PDE4D: variants seen among roughly 807,000 people sequenced by gnomAD.
PDE4D encodes the protein phosphodiesterase 4D.
In PDE4D, 24 loss-of-function variants were observed where a neutral mutation model predicts 87.4. The observed-to-expected ratio is 0.27, with a 90% CI of 0.20 to 0.39. PDE4D has a LOEUF of 0.39. PDE4D is among the 10% of genes least tolerant of loss of function. The probability of loss-of-function intolerance (pLI) is 1.00; values close to 1 mark genes in which losing one functional copy is unlikely to be tolerated. For synonymous variants in PDE4D, 384 were observed against 383.2 expected (o/e 1.00, Z -0.02); for missense variants, 714 against 1,041.0 (o/e 0.69, Z 4.32).
At chr5:59,754,627 A>T (rs1402973279) in intron 1 of PDE4D, among the ~76,000 whole-genome samples, 1 of 152,140 alleles carries the variant, frequency 6.6e-6, no homozygotes, top group Admixed American at 6.5e-5. Flanking sequence ...TCTAGCATGG[A>T]AAGTAATTAG....
At chr5:60,359,113 T>A (rs1759851743) in intron 1 of PDE4D, among the ~76,000 whole-genome samples, 1 of 152,162 alleles carries the variant, frequency 6.6e-6, no homozygotes, top group Non-Finnish European at 1.5e-5. Context: ...AGAATATTGT[T>A]ATATTGTTAT....
chr5:59,177,133 C>T (rs979329861), intron 5 of PDE4D, among the ~76,000 whole-genome samples: 8 of 152,028 alleles, frequency 5.3e-5, no homozygotes, highest in African/African-American at 1.4e-4. Context: ...ATTTGGAGGC[C>T]GGGCCTGTGG....
At chr5:59,454,796 C>T (rs1269521312) in intron 1 of PDE4D, among the ~76,000 whole-genome samples, 1 of 152,086 alleles carries the variant, frequency 6.6e-6, no homozygotes, top group Non-Finnish European at 1.5e-5. Flanking sequence ...ACAATAAGGT[C>T]CAGGCTGAGG....
chr5:59,272,617 G>C (rs1764035617), intron 1 of PDE4D, among the ~76,000 whole-genome samples: 1 of 151,918 alleles, frequency 6.6e-6, no homozygotes, highest in Non-Finnish European at 1.5e-5. Context: ...TTAAATAAAA[G>C]CAACCTAGTA....
intron 1 of PDE4D, among the ~76,000 whole-genome samples, chr5:60,234,867 G>A (rs1042034664): frequency 1.5e-4 from 23 of 151,682 alleles, no homozygotes; most frequent in African/African-American, 5.3e-4. Flanking sequence ...TTATTTTATT[G>A]ATGCCAAAAT....
At chr5:59,863,727 A>G (rs1427684873) in intron 1 of PDE4D, among the ~76,000 whole-genome samples, 4 of 152,218 alleles carry the variant, frequency 2.6e-5, no homozygotes, top group Non-Finnish European at 4.4e-5. Flanking sequence ...GATAGCAAAC[A>G]TGAGATGTCT....
chr5:59,508,948 G>C (rs1281173022), intron 1 of PDE4D, among the ~76,000 whole-genome samples: 1 of 151,812 alleles, frequency 6.6e-6, no homozygotes, highest in Non-Finnish European at 1.5e-5. Flanking sequence ...GACAGAGTGG[G>C]GCCAACATAA....
chr5:60,088,228 G>A (rs998433362), intron 2 of PDE4D, among the ~76,000 whole-genome samples: 4 of 150,708 alleles, frequency 2.7e-5, no homozygotes, highest in East Asian at 1.9e-4. Context: ...TTTACAACAC[G>A]ACACTTCGCC....
At chr5:59,566,476 A>T (rs1384576438) in intron 1 of PDE4D, among the ~76,000 whole-genome samples, 1 of 151,722 alleles carries the variant, frequency 6.6e-6, no homozygotes, top group East Asian at 1.9e-4. Context: ...AAAACCCTTC[A>T]CAGATTTTTG....
intron 1 of PDE4D, among the ~76,000 whole-genome samples, chr5:59,664,151 G>T (rs7729853): frequency 0.072 from 10,959 of 152,148 alleles, 1,217 homozygotes; most frequent in African/African-American, 0.24. Flanking sequence ...TCCCAAAGAT[G>T]GATGTATACA....
intron 1 of PDE4D, among the ~76,000 whole-genome samples, chr5:59,693,521 A>C (rs145932787): frequency 3.9e-4 from 59 of 152,292 alleles, no homozygotes; most frequent in African/African-American, 1.3e-3. Context: ...ACTATTTGCG[A>C]ATTTTAGTGA....
rs1402232187 is a variant in PDE4D, at chr5:58,969,813, TTAAG to T, written c.*4847_*4850del. On this transcript the variant is annotated 3_prime_UTR_variant, in exon 15 of 15. Transcript: ENST00000340635. ...ATTTTCAATATCCCAGAATATTCAA[TTAAG>T]TAAGTATGGAAGGCCCCTTTCAAAG... 6.6e-6 allele frequency: 1 copy of T among 152,168 alleles called. No homozygotes were observed. The highest frequency in any genetic ancestry group is 2.4e-5 in the African/African-American group (1 of 41,438). The allele number at this position is 152,168 out of a possible 1,614,324, so 9.4% of individuals were successfully genotyped here. A position where few individuals can be genotyped will look rare whatever the true frequency, so the allele number is the denominator to read the frequency against.
intron 1 of PDE4D, among the ~76,000 whole-genome samples, chr5:59,667,238 T>G (rs1048767378): frequency 4.6e-5 from 7 of 152,038 alleles, no homozygotes; most frequent in Admixed American, 2.0e-4. Context: ...AATTTTTTTT[T>G]GGGGGGGAGG....
intron 1 of PDE4D, among the ~76,000 whole-genome samples, chr5:59,654,849 CATA>C (rs1190863286): frequency 6.6e-6 from 1 of 152,008 alleles, no homozygotes; most frequent in African/African-American, 2.4e-5. Flanking sequence ...TTTCATTTAG[CATA>C]ATGTTTTCAA....
At chr5:59,676,057 A>C (rs1291490252) in intron 1 of PDE4D, among the ~76,000 whole-genome samples, 1 of 151,970 alleles carries the variant, frequency 6.6e-6, no homozygotes, top group Non-Finnish European at 1.5e-5. Context: ...ACACCTTTGG[A>C]GCTAACTGAG....
At chr5:59,328,158 A>G (rs1776048763) in intron 1 of PDE4D, among the ~76,000 whole-genome samples, 1 of 152,186 alleles carries the variant, frequency 6.6e-6, no homozygotes, top group Non-Finnish European at 1.5e-5. Context: ...CACAGGGAGC[A>G]GTGGTTAATT....
At chr5:59,821,648 TG>T (rs1474435240) in intron 1 of PDE4D, among the ~76,000 whole-genome samples, 1 of 152,222 alleles carries the variant, frequency 6.6e-6, no homozygotes, top group Admixed American at 6.5e-5. Flanking sequence ...GCTATATTGT[TG>T]AGCACATGTG....
At chr5:60,224,328 G>C (rs1300454553) in intron 1 of PDE4D, among the ~76,000 whole-genome samples, 1 of 151,994 alleles carries the variant, frequency 6.6e-6, no homozygotes, top group Non-Finnish European at 1.5e-5. Flanking sequence ...GCTATGACCT[G>C]GTTATCTATT....
At chr5:59,503,257 A>G (rs1808650058) in intron 1 of PDE4D, among the ~76,000 whole-genome samples, 1 of 152,214 alleles carries the variant, frequency 6.6e-6, no homozygotes, top group Non-Finnish European at 1.5e-5. Context: ...CTGTAGAAAT[A>G]TAGGGGAAAC....
Sources: gnomAD v4.1 joint callset for allele counts (sites outside exome capture counted in the v4.1 genomes callset) on GRCh38, gnomAD v4.1.1 for gene constraint, MANE v1.5 for transcripts, NCBI Gene and HGNC (gene_info 2026-07-23, HGNC 2026-07-21) for gene names.